DNM1L: variants seen among roughly 807,000 people sequenced by gnomAD.
DNM1L encodes the protein dynamin-1-like protein.
Under a neutral mutation model 92.8 loss-of-function variants are expected in DNM1L, and 33 were observed. The ratio of observed to expected loss-of-function variants is 0.36; its 90% CI spans 0.27 to 0.48. DNM1L has a LOEUF of 0.48. Among genes scored for constraint, DNM1L ranks in the 20% least tolerant of loss-of-function variants. DNM1L has a pLI of 0.99. For synonymous variants in DNM1L, 284 were observed against 305.0 expected (o/e 0.93, Z 0.72); for missense variants, 485 against 888.8 (o/e 0.55, Z 5.78).
chr12:32,680,224 T>C (rs2201957), intron 1 of DNM1L, among the ~76,000 whole-genome samples: 2,828 of 151,992 alleles, frequency 0.019, 94 homozygotes, highest in African/African-American at 0.066. Flanking sequence ...TTTTTTTGAA[T>C]GCAGAAATGT....
rs534050787 is a variant in DNM1L at position 32,681,429 on chromosome 12, T to C, written c.102+1964T>C. 1.2e-3 allele frequency among the ~76,000 whole-genome samples: 185 copies of C among 152,182 alleles called. 1 individual carries two copies. The highest frequency in any genetic ancestry group is 2.0e-3 in the Non-Finnish European group (137 of 67,992). On this transcript the variant is annotated intron_variant, in intron 1 of 19. Coordinates refer to ENST00000549701, the MANE Select transcript of DNM1L (RefSeq NM_012062.5). ...AGCTGGGCATGGTGGTGCGAACCTG[T>C]AGTCCCAGCTACTCTGCAGGCTGAG... is the stretch of plus-strand genomic sequence containing the variant.
intron 1 of DNM1L, among the ~76,000 whole-genome samples, chr12:32,694,232 C>T (rs980516719): frequency 3.3e-5 from 5 of 152,020 alleles, no homozygotes; most frequent in Admixed American, 2.0e-4. Flanking sequence ...ACTACAGGTG[C>T]GTGCCACCTT....
chr12:32,724,593 A>ATATATATAT (rs1491525657), intron 9 of DNM1L, among the ~76,000 whole-genome samples: 4 of 66,662 alleles, frequency 6.0e-5, no homozygotes, highest in South Asian at 9.7e-4. Context: ...AAAAAAAAAA[A>ATATATATAT]ATATATATAT....
Position 32,731,864 on chromosome 12 carries a change from G to A in DNM1L, c.1367G>A (p.Arg456Gln), listed in dbSNP as rs777512650. The change falls in exon 12 of 20, where the codon CGA (arginine) becomes CAA (glutamine). Residue 456 changes from arginine (R) to glutamine (Q), a missense_variant. By Grantham distance (43) the Arg-to-Gln change is conservative. Around this residue, in one of 11 missense-constraint regions of DNM1L, gnomAD observed 28 missense variants for 65.1 expected, o/e 0.43. Coordinates refer to ENST00000549701, the MANE Select transcript of DNM1L (RefSeq NM_012062.5). This position sits in a 1 kb window ranked among gnomAD's most constrained non-coding sequence, Gnocchi z 5.1. ...ATCTACCATTTGTAGGAATTGTTAC[G>A]ATTTCCTAAACTTCATGATGCCATA... ...CSNYSTQELL[R>Q]FPKLHDAIVE... 1 of 1,612,634 alleles carries A rather than the reference G, an allele frequency of 6.2e-7. No individual in the cohort carries two copies.
At chr12:32,710,610 C>A in intron 4 of DNM1L, among the ~76,000 whole-genome samples, 1 of 141,792 alleles carries the variant, frequency 7.1e-6, no homozygotes. Flanking sequence ...CAGAGTGAGA[C>A]CTTGTCTCAA....
chr12:32,729,742 G>T (rs1954420427), intron 9 of DNM1L, among the ~76,000 whole-genome samples: 1 of 152,194 alleles, frequency 6.6e-6, no homozygotes, highest in African/African-American at 2.4e-5. Flanking sequence ...TTACAGGTGT[G>T]AGCCACTGTG....
intron 14 of DNM1L, 191 bp downstream of exon 14, chr12:32,737,352 A>G (rs1233340802): frequency 1.8e-6 from 1 of 568,904 alleles, no homozygotes; most frequent in Non-Finnish European, 3.1e-6. Context: ...TTTTGAATTC[A>G]CTGACATAAA....
At chr12:32,721,306 G>A (rs1257137404) in intron 8 of DNM1L, among the ~76,000 whole-genome samples, 1 of 152,140 alleles carries the variant, frequency 6.6e-6, no homozygotes, top group Non-Finnish European at 1.5e-5. Flanking sequence ...TGACTGAAGT[G>A]GAAGCCATTT....
At position 32,744,774 on chromosome 12, in the gene DNM1L, TA is replaced by T; in HGVS notation, c.*1366del. 2.3e-6 allele frequency: 1 copy of T among 433,594 alleles called. No homozygotes were observed. The highest frequency in any genetic ancestry group is 4.5e-6 in the Non-Finnish European group (1 of 220,596). 26.9% of individuals were successfully genotyped at this position (433,594 alleles called of 1,614,324 possible). ...ACATACTCCTTCAGACTTACAGACCTAAGCTGCATTTATGGGGTAGTGATGA... is the reference window on the plus strand; with the variant it reads ...ACATACTCCTTCAGACTTACAGACCTAGCTGCATTTATGGGGTAGTGATGA... On this transcript the variant is annotated 3_prime_UTR_variant, in exon 20 of 20. Coordinates refer to ENST00000549701, the MANE Select transcript of DNM1L (RefSeq NM_012062.5).
At chr12:32,732,708 A>C in intron 12 of DNM1L, 1 of 409,020 alleles carries the variant, frequency 2.4e-6, no homozygotes, top group East Asian at 7.1e-5. Flanking sequence ...CCTTCATTTT[A>C]ATAGACCCTT....
chr12:32,732,568 AC>A (rs1430444185), intron 12 of DNM1L: 1 of 455,790 alleles, frequency 2.2e-6, no homozygotes, highest in Non-Finnish European at 4.4e-6. Flanking sequence ...AGGATGGTGA[AC>A]CCCGTGGAGG....
intron 6 of DNM1L, among the ~76,000 whole-genome samples, chr12:32,717,851 TAA>T (rs370595612): frequency 0.029 from 2,531 of 87,126 alleles, 294 homozygotes; most frequent in African/African-American, 0.049. Context: ...ATATATTTTA[TAA>T]ATATACTATA....
In DNM1L at chr12:32,733,797, A is replaced by G; in HGVS notation, c.1529A>G (p.Asn510Ser). 1.2e-6 allele frequency: 2 copies of G among 1,613,654 alleles called. No homozygotes were observed. The highest frequency in any genetic ancestry group is 1.3e-5 in the African/African-American group (1 of 75,052). ...GCTGATGCTTGTGGGCTAATGAACA[A>G]TAATATAGAGGTAAATATAATTCTT... Reference protein sequence around the residue: ...DFADACGLMNNNIEEQRRNRL... With the variant: ...DFADACGLMNSNIEEQRRNRL... The change falls in exon 13 of 20, where the codon AAT becomes AGT. Residue 510 changes from asparagine to serine, a missense_variant. By Grantham distance (46) the Asn-to-Ser change is conservative (BLOSUM62 1). This residue lies in a region of DNM1L where 65 missense variants were observed against 59.4 expected (regional missense o/e 1.09). Transcript: ENST00000549701.
intron 1 of DNM1L, among the ~76,000 whole-genome samples, chr12:32,688,023 T>G (rs1952092450): frequency 1.3e-5 from 2 of 152,022 alleles, no homozygotes; most frequent in African/African-American, 4.8e-5. Flanking sequence ...CCTCCTGGGT[T>G]CAAGCGATCC....
rs1955565237 is a variant in DNM1L at position 32,745,064 on chromosome 12, A to G, written c.*1654A>G. ...TAAGGAACAACAGGCTCACCAACTGATGTCAAACATAAAAACCCCCACATC... is the reference window on the plus strand; with the variant it reads ...TAAGGAACAACAGGCTCACCAACTGGTGTCAAACATAAAAACCCCCACATC... On this transcript the variant is annotated 3_prime_UTR_variant, in exon 20 of 20. Transcript: ENST00000549701. 2 of 495,620 alleles carry G rather than the reference A, an allele frequency of 4.0e-6. No homozygotes were observed. Among genetic ancestry groups the G allele is most frequent in the African/African-American group, 4.0e-5 (2 of 50,488 alleles). The allele number at this position is 495,620 out of a possible 1,614,324, so 30.7% of individuals were successfully genotyped here.
chr12:32,738,082 T>C (rs1300986229), intron 15 of DNM1L, 140 bp downstream of exon 15: 3 of 1,091,866 alleles, frequency 2.7e-6, no homozygotes, highest in Non-Finnish European at 2.6e-6. Context: ...AATATATATT[T>C]TAAAATTATA....
chr12:32,681,804 T>C (rs1434875187), intron 1 of DNM1L, among the ~76,000 whole-genome samples: 1 of 151,986 alleles, frequency 6.6e-6, no homozygotes, highest in Non-Finnish European at 1.5e-5. Flanking sequence ...TAGTTCTGCC[T>C]AGTATACCTA....
chr12:32,724,535 C>T (rs1200296441), intron 9 of DNM1L, among the ~76,000 whole-genome samples: 1 of 139,292 alleles, frequency 7.2e-6, no homozygotes, highest in Non-Finnish European at 1.5e-5. Flanking sequence ...GAGATCGCAC[C>T]ACTGCACTCC....
At position 32,697,859 on chromosome 12, in the gene DNM1L, C is replaced by A. The variant is rs895953270; in HGVS notation, c.103-3556C>A. On this transcript the variant is annotated intron_variant, in intron 1 of 19. Transcript: ENST00000549701. ...CAGCAAAATATTTGGCCAATAAAATCAATTTAATAGTCATTTGGAAAGTCT... is the reference window on the plus strand; with the variant it reads ...CAGCAAAATATTTGGCCAATAAAATAAATTTAATAGTCATTTGGAAAGTCT... Among the ~76,000 whole-genome samples, 4 of 151,278 alleles carry A rather than the reference C, an allele frequency of 2.6e-5. No individual in the cohort carries two copies. In the East Asian group the frequency reaches 7.8e-4, roughly 29 times the overall value.
Sources: gnomAD v4.1 joint callset for allele counts (sites outside exome capture counted in the v4.1 genomes callset) on GRCh38, gnomAD v4.1.1 for gene constraint, gnomAD v4.1.1 regional missense constraint, Gnocchi (gnomAD v3.1) non-coding constraint, MANE v1.5 for transcripts, NCBI Gene and HGNC (gene_info 2026-07-23, HGNC 2026-07-21) for gene names.